WASF3: variants seen among roughly 807,000 people sequenced by gnomAD.
WASF3 encodes WASP family member 3, also known as actin-binding protein WASF3.
A neutral mutation model predicts 46.6 loss-of-function variants in WASF3; 11 were observed. The ratio of observed to expected loss-of-function variants is 0.24; its 90% confidence interval spans 0.15 to 0.39. The LOEUF (loss-of-function observed/expected upper bound fraction) is 0.39, where lower values mean the gene tolerates loss of function less well. Among genes scored for constraint, WASF3 ranks in the 10% least tolerant of loss-of-function variants. The pLI, the probability that WASF3 is intolerant of heterozygous loss-of-function variation, is 1.00. For missense variants in WASF3, 576 were observed against 669.8 expected, an observed-to-expected ratio of 0.86 and a Z score of 1.55; for synonymous variants, 242 against 259.7, an observed-to-expected ratio of 0.93 and a Z score of 0.65.
chr13:26,597,830 G>A (rs1040162011), intron 1 of WASF3, among the ~76,000 whole-genome samples: 11 of 152,170 alleles, frequency 7.2e-5, no homozygotes, highest in Non-Finnish European at 1.3e-4. Context: ...ATTCCATGGT[G>A]TATATGTGCC....
At chr13:26,603,683 A>G (rs1240281572) in intron 1 of WASF3, among the ~76,000 whole-genome samples, 2 of 152,110 alleles carry the variant, frequency 1.3e-5, no homozygotes, top group Admixed American at 1.3e-4. Flanking sequence ...TATTTGTAAA[A>G]AACTTTAAAA....
chr13:26,648,844 C>T (rs1882228823), intron 3 of WASF3, among the ~76,000 whole-genome samples: 3 of 151,970 alleles, frequency 2.0e-5, no homozygotes, highest in Admixed American at 2.0e-4. Context: ...TATAAGAGCC[C>T]CACCACCCCG....
intron 1 of WASF3, among the ~76,000 whole-genome samples, chr13:26,565,283 G>A (rs185291605): frequency 7.4e-4 from 112 of 152,192 alleles, no homozygotes; most frequent in African/African-American, 2.6e-3. Context: ...AAGTTGAGGG[G>A]TGCCATTAAC....
chr13:26,603,051 A>G (rs995783309), intron 1 of WASF3, among the ~76,000 whole-genome samples: 14 of 152,186 alleles, frequency 9.2e-5, no homozygotes, highest in African/African-American at 3.1e-4. Context: ...GAGGAAGGCG[A>G]TAAGGGCCCA....
rs142456078 is a variant in WASF3, at chr13:26,559,785, T to C, written c.-109+1966T>C. 8.0e-3 allele frequency among the ~76,000 whole-genome samples: 921 copies of C among 115,748 alleles called. 7 individuals are homozygous for C. The highest frequency in any genetic ancestry group is 0.026 in the African/African-American group (847 of 33,102). 75.9% of individuals were successfully genotyped at this position (115,748 alleles called of 152,430 possible). ...TGTAGACCTTGAATCTCTTTTTCTT[T>C]TCTTTTCTTTCTTTCTTTCTTTCTT... On this transcript the variant is annotated intron_variant, in intron 1 of 9. Transcript: ENST00000335327.
chr13:26,560,085 C>T (rs1292161526), intron 1 of WASF3, among the ~76,000 whole-genome samples: 1 of 152,030 alleles, frequency 6.6e-6, no homozygotes, highest in East Asian at 1.9e-4. Flanking sequence ...TCCCAAAATG[C>T]TGGGATTACA....
At chr13:26,622,442 C>T (rs1483143871) in intron 2 of WASF3, among the ~76,000 whole-genome samples, 3 of 152,202 alleles carry the variant, frequency 2.0e-5, no homozygotes, top group Admixed American at 1.3e-4. Flanking sequence ...AGAATGACCA[C>T]AGTTGTGGGC....
rs1349288272 is a variant in WASF3 at position 26,613,017 on chromosome 13, A to G, written c.-52A>G. On this transcript the variant is annotated 5_prime_UTR_variant, in exon 2 of 10. Transcript: ENST00000335327. ...ATAACTGAGCCAAAGTGGTGATGCTACTTGAGGGGAATTTCTGCAACCCAT... is the reference window on the plus strand; with the variant it reads ...ATAACTGAGCCAAAGTGGTGATGCTGCTTGAGGGGAATTTCTGCAACCCAT... 1.3e-5 allele frequency: 2 copies of G among 152,070 alleles called. No homozygotes were observed. The highest frequency in any genetic ancestry group is 4.8e-5 in the African/African-American group (2 of 41,414). The allele number at this position is 152,070 out of a possible 1,614,324, so 9.4% of individuals were successfully genotyped here.
intron 2 of WASF3, among the ~76,000 whole-genome samples, chr13:26,627,881 TATA>T (rs149371592): frequency 0.28 from 41,644 of 146,812 alleles, 6,202 homozygotes; most frequent in East Asian, 0.57. Context: ...AAACTTAAAG[TATA>T]ATAATAAAGA....
intron 1 of WASF3, among the ~76,000 whole-genome samples, chr13:26,570,070 G>C (rs1879587483): frequency 6.6e-6 from 1 of 152,152 alleles, no homozygotes; most frequent in South Asian, 2.1e-4. Flanking sequence ...CGGATCACTT[G>C]AGGTCAGGAG....
intron 8 of WASF3, 71 bp downstream of exon 8, chr13:26,681,391 A>C: frequency 6.7e-7 from 1 of 1,482,486 alleles, no homozygotes; most frequent in South Asian, 1.4e-5. Context: ...GTGGTAGGAG[A>C]ATTTTAACTC....
chr13:26,617,088 T>C (rs1404960621), intron 2 of WASF3, among the ~76,000 whole-genome samples: 1 of 152,212 alleles, frequency 6.6e-6, no homozygotes, highest in African/African-American at 2.4e-5. Flanking sequence ...TCTTACAACT[T>C]TTCCGTGTTT....
chr13:26,651,973 G>C (rs1487368070), intron 3 of WASF3, among the ~76,000 whole-genome samples: 2 of 152,124 alleles, frequency 1.3e-5, no homozygotes, highest in South Asian at 4.1e-4. Context: ...ATAATGATTT[G>C]ATTATCCCAG....
intron 3 of WASF3, among the ~76,000 whole-genome samples, chr13:26,661,035 C>T (rs1469983188): frequency 6.6e-6 from 1 of 152,228 alleles, no homozygotes; most frequent in East Asian, 1.9e-4. Context: ...AGAGCAAAAA[C>T]TCGCTCACCC....
At chr13:26,618,737 A>G (rs1881217299) in intron 2 of WASF3, 2 of 152,208 alleles carry the variant, frequency 1.3e-5, no homozygotes, top group South Asian at 4.1e-4. Flanking sequence ...ACAAGTGAGA[A>G]TGTTTCTCAG....
Position 26,665,019 on chromosome 13 carries a change from A to T in WASF3, c.134-9A>T, listed in dbSNP as rs371236026. ...ACAGATGGCCTTCTCCATTCATTTTATTCTACAGGCAAACATGCTGAAGAC... is the reference window on the plus strand; with the variant it reads ...ACAGATGGCCTTCTCCATTCATTTTTTTCTACAGGCAAACATGCTGAAGAC... On this transcript the variant is annotated splice_polypyrimidine_tract_variant and intron_variant, in intron 3 of 9. Coordinates refer to ENST00000335327, the MANE Select transcript of WASF3 (RefSeq NM_006646.6). The T allele has an allele frequency of 1.2e-6, 2 of 1,613,946 alleles. No individual in the cohort carries two copies. The highest frequency in any genetic ancestry group is 1.7e-5 in the Admixed American group (1 of 60,018).
intron 1 of WASF3, among the ~76,000 whole-genome samples, chr13:26,585,871 G>A (rs549744996): frequency 9.8e-4 from 149 of 152,286 alleles, no homozygotes; most frequent in African/African-American, 3.5e-3. Context: ...TAATGTGAGT[G>A]GAGGTAATAG....
chr13:26,657,833 T>C (rs1028207279), intron 3 of WASF3, among the ~76,000 whole-genome samples: 1 of 152,240 alleles, frequency 6.6e-6, no homozygotes, highest in African/African-American at 2.4e-5. Flanking sequence ...TTCTTATTCA[T>C]CAGAAAATAT....
rs1339687940 is a variant in WASF3 at position 26,620,254 on chromosome 13, G to A, written c.-11+7196G>A. Reference sequence around the variant, plus strand: ...TCTCGGAGGTTCCTGGGTTAATAATGTGCATCAGAATAAATTTTTATGCAC... The same window carrying A: ...TCTCGGAGGTTCCTGGGTTAATAATATGCATCAGAATAAATTTTTATGCAC... On this transcript the variant is annotated intron_variant, in intron 2 of 9. Coordinates refer to ENST00000335327, the MANE Select transcript of WASF3 (RefSeq NM_006646.6). Among the ~76,000 whole-genome samples, 3 of 152,132 alleles carry A rather than the reference G, an allele frequency of 2.0e-5. No homozygotes were observed. The East Asian group carries it at 5.8e-4, about 29-fold the overall frequency.
Sources: gnomAD v4.1 joint callset for allele counts (sites outside exome capture counted in the v4.1 genomes callset) on GRCh38, gnomAD v4.1.1 for gene constraint, MANE v1.5 for transcripts, NCBI Gene and HGNC (gene_info 2026-07-23, HGNC 2026-07-21) for gene names.